The following TWF2 variants were observed in gnomAD, a reference collection of about 807,000 sequenced individuals.
TWF2 encodes twinfilin actin binding protein 2, also known as twinfilin-2.
A neutral mutation model predicts 45.1 loss-of-function variants in TWF2; 15 were observed. The observed-to-expected ratio is 0.33, with a 90% CI of 0.22 to 0.51. The LOEUF (loss-of-function observed/expected upper bound fraction) is 0.51, where lower values mean the gene tolerates loss of function less well. Among genes scored for constraint, TWF2 ranks in the 20% least tolerant of loss-of-function variants. The probability of loss-of-function intolerance (pLI) is 0.97; values close to 1 mark genes in which losing one functional copy is unlikely to be tolerated. For missense variants in TWF2, 423 were observed against 469.1 expected (o/e 0.90, Z 0.91); for synonymous variants, 177 against 195.8 (o/e 0.90, Z 0.80).
chr3:52,231,379 C>G, intron 4 of TWF2, 65 bp downstream of exon 4: 1 of 1,593,946 alleles, frequency 6.3e-7, no homozygotes, highest in Admixed American at 1.7e-5. Flanking sequence ...GCTCTCTGAC[C>G]CTGCACAGTG....
At chr3:52,235,236 T>A in intron 1 of TWF2, 130 bp from the exon 2 acceptor site, 1 of 813,026 alleles carries the variant, frequency 1.2e-6, no homozygotes. Flanking sequence ...CCCATGTGAC[T>A]GGGAACCTGA....
At chr3:52,235,366 A>T (rs1413903599) in intron 1 of TWF2, among the ~76,000 whole-genome samples, 1 of 152,234 alleles carries the variant, frequency 6.6e-6, no homozygotes, top group Admixed American at 6.5e-5. Context: ...ACCCACCAGA[A>T]GATGGGCAGG....
At position 52,230,938 on chromosome 3, in the gene TWF2, G is replaced by A; in HGVS notation, c.541C>T (p.Pro181Ser). ...GCCCGCTGGGCCTCAGGCTGCAGGG[G>A]GAAGGCGAGGCCCTGCAGGGTCTGG... is the stretch of plus-strand genomic sequence containing the variant. Reference protein sequence around the residue: ...KHQTLQGLAFPLQPEAQRALQ... With the variant: ...KHQTLQGLAFSLQPEAQRALQ... The change falls in exon 6 of 9, where the codon CCC becomes TCC. Residue 181 changes from proline (P) to serine (S), a missense_variant. By Grantham distance (74) the Pro-to-Ser change is moderately conservative. Coordinates refer to ENST00000305533, the MANE Select transcript of TWF2 (RefSeq NM_007284.4). The A allele has an allele frequency of 6.2e-7, 1 of 1,605,666 alleles. No homozygotes were observed. The highest frequency in any genetic ancestry group is 8.5e-7 in the Non-Finnish European group (1 of 1,176,200).
chr3:52,232,179 C>T (rs1699685144), intron 2 of TWF2, 57 bp from the exon 3 acceptor site: 2 of 1,461,850 alleles, frequency 1.4e-6, no homozygotes, highest in East Asian at 5.1e-5. Flanking sequence ...CCTCCCGCTG[C>T]AGACCTCCAG....
chr3:52,239,021 C>G lies in TWF2; in HGVS notation c.-5G>C. 6.3e-7 allele frequency: 1 copy of G among 1,595,390 alleles called. No homozygotes were observed. Among genetic ancestry groups the G allele is most frequent in the Non-Finnish European group, 8.5e-7 (1 of 1,178,164 alleles). ...GATGCCCGTTTGGTGCGCCATGGCT[C>G]GGCGCTTCGCTCCGTCCGCGCCGTC... On this transcript the variant is annotated 5_prime_UTR_variant, in exon 1 of 9. Coordinates refer to ENST00000305533, the MANE Select transcript of TWF2 (RefSeq NM_007284.4).
chr3:52,238,933 G>GGC (rs1699753947), intron 1 of TWF2, 59 bp downstream of exon 1: 1 of 1,563,688 alleles, frequency 6.4e-7, no homozygotes, highest in Non-Finnish European at 8.6e-7. Context: ...GAGAGCCGGG[G>GGC]GGGGGCGCTT....
rs1699757179 is a variant in TWF2, at chr3:52,239,121, G to C, written c.-105C>G. On this transcript the variant is annotated 5_prime_UTR_variant, in exon 1 of 9. Transcript: ENST00000305533. ...GGTGGAGGATGTGGCGGAGGCTGTCGACCCTCGCGCAGCTTCCCGGGCGGT... is the reference window on the plus strand; with the variant it reads ...GGTGGAGGATGTGGCGGAGGCTGTCCACCCTCGCGCAGCTTCCCGGGCGGT... The C allele has an allele frequency of 7.2e-7, 1 of 1,398,278 alleles. No homozygotes were observed. The highest frequency in any genetic ancestry group is 9.4e-7 in the Non-Finnish European group (1 of 1,063,964). The allele number at this position is 1,398,278 out of a possible 1,614,324, so 86.6% of individuals were successfully genotyped here. A position where few individuals can be genotyped will look rare whatever the true frequency, so the allele number is the denominator to read the frequency against.
At chr3:52,237,894 T>G (rs532240302) in intron 1 of TWF2, among the ~76,000 whole-genome samples, 4 of 152,258 alleles carry the variant, frequency 2.6e-5, no homozygotes, top group African/African-American at 9.6e-5. Context: ...CCTAGTGTGG[T>G]GGGAGGGGTG....
chr3:52,232,446 C>A (rs368659466), intron 2 of TWF2, among the ~76,000 whole-genome samples: 6 of 152,124 alleles, frequency 3.9e-5, no homozygotes, highest in Non-Finnish European at 8.8e-5. Context: ...GGACACCACA[C>A]CCCTGGGTGC....
Position 52,228,901 on chromosome 3 carries a change from G to T in TWF2, c.*133C>A. 7.3e-7 allele frequency: 1 copy of T among 1,376,180 alleles called. No individual in the cohort carries two copies. The highest frequency in any genetic ancestry group is 9.7e-7 in the Non-Finnish European group (1 of 1,025,712). The allele number at this position is 1,376,180 out of a possible 1,614,324, so 85.2% of individuals were successfully genotyped here. A position where few individuals can be genotyped will look rare whatever the true frequency, so the allele number is the denominator to read the frequency against. On this transcript the variant is annotated 3_prime_UTR_variant, in exon 9 of 9. Coordinates refer to ENST00000305533, the MANE Select transcript of TWF2 (RefSeq NM_007284.4). ...GCCAGCCCGGTGGCCCTCGGACGCT[G>T]CAAGTGCGTTCAGCTGCCAGCCCTC...
intron 8 of TWF2, among the ~76,000 whole-genome samples, 184 bp from the exon 9 acceptor site, chr3:52,229,385 C>T (rs531518034): frequency 2.8e-4 from 43 of 152,332 alleles, no homozygotes; most frequent in African/African-American, 1.0e-3. Flanking sequence ...GGCCTGCTGC[C>T]CTGCATGCCT....
chr3:52,232,650 G>A (rs1223614814), intron 2 of TWF2, among the ~76,000 whole-genome samples: 2 of 152,228 alleles, frequency 1.3e-5, no homozygotes, highest in Non-Finnish European at 2.9e-5. Flanking sequence ...GAAAGGAGGA[G>A]CAGGGGCTCC....
chr3:52,234,228 C>T (rs1312487375), intron 2 of TWF2, among the ~76,000 whole-genome samples: 1 of 152,138 alleles, frequency 6.6e-6, no homozygotes, highest in Non-Finnish European at 1.5e-5. Flanking sequence ...ATCCAAAGTG[C>T]CTGCTGCTGA....
At chr3:52,232,204 C>T (rs1352344724) in intron 2 of TWF2, 82 bp from the exon 3 acceptor site, 2 of 1,430,444 alleles carry the variant, frequency 1.4e-6, no homozygotes, top group Non-Finnish European at 1.8e-6. Flanking sequence ...GCCGTGGCTG[C>T]CCAGCTGGCT....
At chr3:52,238,227 G>A (rs936238266) in intron 1 of TWF2, among the ~76,000 whole-genome samples, 6 of 152,186 alleles carry the variant, frequency 3.9e-5, no homozygotes, top group Non-Finnish European at 8.8e-5. Flanking sequence ...GCCTGGAGCT[G>A]GGATCTTCCA....
chr3:52,238,916 AG>A, intron 1 of TWF2, 75 bp downstream of exon 1: 1 of 1,342,906 alleles, frequency 7.4e-7, no homozygotes, highest in Non-Finnish European at 9.7e-7. Flanking sequence ...GGGTGGAGGG[AG>A]GGGCCGAGAG....
chr3:52,238,362 G>T (rs1367477987), intron 1 of TWF2, among the ~76,000 whole-genome samples: 1 of 152,184 alleles, frequency 6.6e-6, no homozygotes, highest in Admixed American at 6.5e-5. Flanking sequence ...CCTAGCCTGG[G>T]GAGAGTGAGT....
chr3:52,238,937 G>GC (rs1450840917), intron 1 of TWF2, 55 bp downstream of exon 1: 3 of 1,566,472 alleles, frequency 1.9e-6, no homozygotes, highest in Non-Finnish European at 2.6e-6. Flanking sequence ...GCCGGGGGGG[G>GC]GCGCTTCCGA....
Position 52,239,131 on chromosome 3 carries a change from C to T in TWF2, c.-115G>A, listed in dbSNP as rs922263565. 6.1e-6 allele frequency: 8 copies of T among 1,310,122 alleles called. No individual in the cohort carries two copies. The highest frequency in any genetic ancestry group is 8.0e-6 in the Non-Finnish European group (8 of 1,002,822). 81.2% of individuals were successfully genotyped at this position (1,310,122 alleles called of 1,614,324 possible). On this transcript the variant is annotated 5_prime_UTR_variant, in exon 1 of 9. Transcript: ENST00000305533. Reference sequence around the variant, plus strand: ...GTGGCGGAGGCTGTCGACCCTCGCGCAGCTTCCCGGGCGGTGCCGCAGGAC... The same window carrying T: ...GTGGCGGAGGCTGTCGACCCTCGCGTAGCTTCCCGGGCGGTGCCGCAGGAC...
Sources: gnomAD v4.1 joint callset for allele counts (sites outside exome capture counted in the v4.1 genomes callset) on GRCh38, gnomAD v4.1.1 for gene constraint, MANE v1.5 for transcripts, NCBI Gene and HGNC (gene_info 2026-07-23, HGNC 2026-07-21) for gene names.